RTN4RL1: variants seen among roughly 807,000 people sequenced by gnomAD.
RTN4RL1 encodes the protein reticulon-4 receptor-like 1.
A neutral mutation model predicts 25.6 loss-of-function variants in RTN4RL1; 7 were observed. That is an observed-to-expected ratio of 0.27 (90% confidence interval 0.16 to 0.51). The LOEUF (loss-of-function observed/expected upper bound fraction) is 0.51, where lower values mean the gene tolerates loss of function less well. Ranked by LOEUF, RTN4RL1 falls within the 20% of genes least tolerant of loss-of-function variation. The pLI is 0.97. For missense variants in RTN4RL1, 500 were observed against 615.6 expected, an observed-to-expected ratio of 0.81 and a Z score of 1.99; for synonymous variants, 297 against 288.2, an observed-to-expected ratio of 1.03 and a Z score of -0.31.
intron 1 of RTN4RL1, among the ~76,000 whole-genome samples, chr17:1,978,451 C>A (rs1281723356): frequency 2.6e-5 from 4 of 152,240 alleles, no homozygotes; most frequent in Non-Finnish European, 5.9e-5. Flanking sequence ...CTTGGCCGAC[C>A]GTCCGCAACA....
At chr17:1,954,778 T>G (rs1409938339) in intron 1 of RTN4RL1, among the ~76,000 whole-genome samples, 2 of 152,182 alleles carry the variant, frequency 1.3e-5, no homozygotes, top group Non-Finnish European at 1.5e-5. Context: ...CTGCTGTCTG[T>G]CAAGTCAATG....
chr17:1,938,587 C>A (rs112014292), intron 1 of RTN4RL1, among the ~76,000 whole-genome samples: 1 of 151,850 alleles, frequency 6.6e-6, no homozygotes, highest in South Asian at 2.1e-4. Context: ...TGTGAGCCAC[C>A]GCGCCCGGCC....
In RTN4RL1 at chr17:2,025,160, G is replaced by C; in HGVS notation, c.-295C>G. The C allele has an allele frequency of 3.5e-6, 1 of 289,014 alleles. No homozygotes were observed. The highest frequency in any genetic ancestry group is 6.4e-6 in the Non-Finnish European group (1 of 156,056). 17.9% of individuals were successfully genotyped at this position (289,014 alleles called of 1,614,324 possible). On this transcript the variant is annotated 5_prime_UTR_variant, in exon 1 of 2. Coordinates refer to ENST00000331238, the MANE Select transcript of RTN4RL1 (RefSeq NM_178568.4). This position sits in a 1 kb window ranked among gnomAD's most constrained non-coding sequence, Gnocchi z 4.8. ...AGCCGGCGGCCTGCTTCTGCCACCC[G>C]GAGCACTTCGCAGGCGGTTTTGAGG...
rs1731875167 is a variant in RTN4RL1, at chr17:2,025,317, T to G, written c.-452A>C. Reference sequence around the variant, plus strand: ...TCCGGGGAAAGCGCCCGGCGCGCGTTTGCAGGACCGAGCGATCGGCGGAGC... The same window carrying G: ...TCCGGGGAAAGCGCCCGGCGCGCGTGTGCAGGACCGAGCGATCGGCGGAGC... On this transcript the variant is annotated 5_prime_UTR_variant, in exon 1 of 2. Transcript: ENST00000331238. The surrounding 1 kb of genome is among the most constrained non-coding windows in gnomAD (Gnocchi z 4.8). 2 of 153,956 alleles carry G rather than the reference T, an allele frequency of 1.3e-5. No homozygotes were observed. Among genetic ancestry groups the G allele is most frequent in the Admixed American group, 6.5e-5 (1 of 15,322 alleles). The allele number at this position is 153,956 out of a possible 1,614,324, so 9.5% of individuals were successfully genotyped here.
rs1299121765 is a variant in RTN4RL1 at position 1,998,206 on chromosome 17, G to C, written c.13+26647C>G. Among the ~76,000 whole-genome samples, 2 of 152,040 alleles carry C rather than the reference G, an allele frequency of 1.3e-5. No individual in the cohort carries two copies. Among genetic ancestry groups the C allele is most frequent in the Non-Finnish European group, 1.5e-5 (1 of 67,980 alleles). ...TTTACTATGTTTTGTTTGGCCTTTG[G>C]GGGAGGGGCGGGGAGGGCTGTCGCA... On this transcript the variant is annotated intron_variant, in intron 1 of 1. Coordinates refer to ENST00000331238, the MANE Select transcript of RTN4RL1 (RefSeq NM_178568.4). This position sits in a 1 kb window ranked among gnomAD's most constrained non-coding sequence, Gnocchi z 4.9.
chr17:1,948,515 G>T (rs886910442), intron 1 of RTN4RL1, among the ~76,000 whole-genome samples: 1 of 152,214 alleles, frequency 6.6e-6, no homozygotes, highest in African/African-American at 2.4e-5. Context: ...CAAAGCTACA[G>T]CTAATTGTGG....
At chr17:1,975,845 G>A (rs994154497) in intron 1 of RTN4RL1, among the ~76,000 whole-genome samples, 5 of 152,030 alleles carry the variant, frequency 3.3e-5, no homozygotes, top group African/African-American at 4.8e-5. Context: ...ACGGGTGTGC[G>A]AAATTTATTT....
At chr17:2,006,816 C>A (rs767283218) in intron 1 of RTN4RL1, among the ~76,000 whole-genome samples, 1 of 151,732 alleles carries the variant, frequency 6.6e-6, no homozygotes, top group Admixed American at 6.6e-5. Context: ...TTAGTAGAGA[C>A]GGGGTTTCGC....
intron 1 of RTN4RL1, among the ~76,000 whole-genome samples, chr17:1,972,748 T>A (rs2066826031): frequency 6.6e-6 from 1 of 152,180 alleles, no homozygotes; most frequent in Non-Finnish European, 1.5e-5. Context: ...CTTCTCACTT[T>A]CCAGACAGGC....
chr17:2,000,172 C>T lies in RTN4RL1; in HGVS notation c.13+24681G>A, dbSNP rs542562925. 3.9e-5 allele frequency among the ~76,000 whole-genome samples: 6 copies of T among 152,342 alleles called. No homozygotes were observed. The South Asian group carries it at 1.2e-3, about 32-fold the overall frequency. On this transcript the variant is annotated intron_variant, in intron 1 of 1. Transcript: ENST00000331238. The stretch of plus-strand genomic sequence containing the variant: ...CTGCCAAGTAGCAGCCACCGCTGCC[C>T]CAGGTGTCCCTACCCAGCCCGGCCA...
At chr17:1,999,439 C>T (rs1447769592) in intron 1 of RTN4RL1, among the ~76,000 whole-genome samples, 1 of 137,570 alleles carries the variant, frequency 7.3e-6, no homozygotes, top group Non-Finnish European at 1.6e-5. Context: ...GAGCAAGACT[C>T]CGTCTCGAAA....
Position 1,955,535 on chromosome 17 carries a change from A to G in RTN4RL1, c.14-17727T>C, listed in dbSNP as rs528670468. On this transcript the variant is annotated intron_variant, in intron 1 of 1. Transcript: ENST00000331238. ...CATGCCACTGCACTCCAGCCTGGGT[A>G]ACAGAGTGAGACCCTATCTCAAAAT... Among the ~76,000 whole-genome samples the G allele has an allele frequency of 2.5e-4, 38 of 150,666 alleles. No homozygotes were observed. In the South Asian group the frequency reaches 6.8e-3, roughly 27 times the overall value.
Position 1,935,482 on chromosome 17 carries a change from C to T in RTN4RL1, c.*1014G>A. Reference sequence around the variant, plus strand: ...CCCCAAAGTGACTCTTGCTGCCTCCCCCTTCCTCACCGTCCCGCCGACACC... The same window carrying T: ...CCCCAAAGTGACTCTTGCTGCCTCCTCCTTCCTCACCGTCCCGCCGACACC... On this transcript the variant is annotated 3_prime_UTR_variant, in exon 2 of 2. Transcript: ENST00000331238. The T allele has an allele frequency of 2.2e-6, 2 of 924,164 alleles. No individual in the cohort carries two copies. Among genetic ancestry groups the T allele is most frequent in the Non-Finnish European group, 2.6e-6 (2 of 773,778 alleles). The allele number at this position is 924,164 out of a possible 1,614,324, so 57.2% of individuals were successfully genotyped here.
intron 1 of RTN4RL1, among the ~76,000 whole-genome samples, chr17:1,966,638 G>A (rs1043797121): frequency 2.6e-5 from 4 of 152,120 alleles, no homozygotes; most frequent in African/African-American, 9.7e-5. Context: ...GTGGCCCGAA[G>A]TTCCAGGGAC....
At chr17:2,020,905 G>A (rs2067192215) in intron 1 of RTN4RL1, among the ~76,000 whole-genome samples, 1 of 152,220 alleles carries the variant, frequency 6.6e-6, no homozygotes, top group Non-Finnish European at 1.5e-5. Context: ...TTCTGGCAAA[G>A]CAAACCCCCC....
Position 1,988,506 on chromosome 17 carries a change from C to CAA in RTN4RL1, c.13+36345_13+36346dup, listed in dbSNP as rs777393625. ...TGGGGGACAGAGAGAGACTCTGTCT[C>CAA]AAAAAAAAAAAAAAAAGAAAAGAAA... On this transcript the variant is annotated intron_variant, in intron 1 of 1. Transcript: ENST00000331238. 5.9e-3 allele frequency among the ~76,000 whole-genome samples: 477 copies of CAA among 80,368 alleles called. 3 individuals are homozygous for CAA. Among genetic ancestry groups the CAA allele is most frequent in the Non-Finnish European group, 8.1e-3 (354 of 43,510 alleles). 52.7% of individuals were successfully genotyped at this position (80,368 alleles called of 152,430 possible). A position where few individuals can be genotyped will look rare whatever the true frequency, so the allele number is the denominator to read the frequency against.
chr17:1,949,335 A>G (rs1198728593), intron 1 of RTN4RL1, among the ~76,000 whole-genome samples: 1 of 144,230 alleles, frequency 6.9e-6, no homozygotes, highest in South Asian at 2.2e-4. Context: ...GACCTCAGGT[A>G]ATCCGCCCGC....
chr17:1,960,590 C>T lies in RTN4RL1; in HGVS notation c.14-22782G>A, dbSNP rs143980155. Among the ~76,000 whole-genome samples, 5 of 152,280 alleles carry T rather than the reference C, an allele frequency of 3.3e-5. No individual in the cohort carries two copies. The East Asian group carries it at 7.7e-4, about 23-fold the overall frequency. On this transcript the variant is annotated intron_variant, in intron 1 of 1. Transcript: ENST00000331238. ...TTACAAATAAATAACTAAAAGTTAACATTTTAAAGCGTACAATTCACTGGC... is the reference window on the plus strand; with the variant it reads ...TTACAAATAAATAACTAAAAGTTAATATTTTAAAGCGTACAATTCACTGGC...
rs377487141 is a variant in RTN4RL1 at position 1,936,117 on chromosome 17, C to T, written c.*379G>A. 30 of 1,036,972 alleles carry T rather than the reference C, an allele frequency of 2.9e-5. No homozygotes were observed. In the East Asian group the frequency reaches 3.4e-4, roughly 12 times the overall value. The allele number at this position is 1,036,972 out of a possible 1,614,324, so 64.2% of individuals were successfully genotyped here. On this transcript the variant is annotated 3_prime_UTR_variant, in exon 2 of 2. Coordinates refer to ENST00000331238, the MANE Select transcript of RTN4RL1 (RefSeq NM_178568.4). ...TGCGTCCTGCTTTCTCCAGGAACCA[C>T]GGGGCCCTCCAGACCTCTCGGAACG...
Sources: allele counts gnomAD v4.1 joint callset (sites outside exome capture counted in the v4.1 genomes callset), GRCh38; gene constraint gnomAD v4.1.1; non-coding constraint Gnocchi (gnomAD v3.1); transcripts MANE v1.5; gene names NCBI Gene and HGNC (gene_info 2026-07-23, HGNC 2026-07-21).